Variants in TANGO2 observed in about 807,000 individuals in gnomAD.
TANGO2 encodes the protein transport and Golgi organization protein 2 homolog.
A neutral mutation model predicts 39.1 loss-of-function variants in TANGO2; 26 were observed. The ratio of observed to expected loss-of-function variants is 0.67; its 90% confidence interval spans 0.49 to 0.92. TANGO2 has a LOEUF of 0.92. Ranked by LOEUF, TANGO2 falls within the 40% of genes least tolerant of loss-of-function variation. The pLI is 0.00. For missense variants in TANGO2, 326 were observed against 360.1 expected (o/e 0.91, Z 0.77); for synonymous variants, 131 against 144.5 (o/e 0.91, Z 0.67).
upstream of TANGO2, among the ~76,000 whole-genome samples, chr22:20,020,373 C>T (rs532901293): frequency 1.3e-3 from 196 of 152,296 alleles, no homozygotes; most frequent in Non-Finnish European, 2.4e-3. Flanking sequence ...GCTACAGGAG[C>T]AGCGGTCCCA....
At position 20,066,764 on chromosome 22, in the gene TANGO2, C is replaced by T. The variant is rs2049227730; in HGVS notation, c.*2102C>T. ...GGCTACCATGTCCTGTGCCGGTGAC[C>T]AGTGCCAGTCCCCAACCTGGATGGT... On this transcript the variant is annotated 3_prime_UTR_variant, in exon 9 of 9. Coordinates refer to ENST00000327374, the MANE Select transcript of TANGO2 (RefSeq NM_152906.7). Among the ~76,000 whole-genome samples, 2 of 152,156 alleles carry T rather than the reference C, an allele frequency of 1.3e-5. No individual in the cohort carries two copies. Among genetic ancestry groups the T allele is most frequent in the African/African-American group, 4.8e-5 (2 of 41,424 alleles).
chr22:20,065,022 C>T lies in TANGO2; in HGVS notation c.*360C>T, dbSNP rs1602445211. The T allele has an allele frequency of 4.1e-6, 1 of 244,252 alleles. No homozygotes were observed. Among genetic ancestry groups the T allele is most frequent in the East Asian group, 9.5e-5 (1 of 10,520 alleles). 15.1% of individuals were successfully genotyped at this position (244,252 alleles called of 1,614,324 possible). The stretch of plus-strand genomic sequence containing the variant: ...CACACATGCAAGCCATATACATGGA[C>T]ACCGACACAGGCACATGTACGTGCA... On this transcript the variant is annotated 3_prime_UTR_variant, in exon 9 of 9. Coordinates refer to ENST00000327374, the MANE Select transcript of TANGO2 (RefSeq NM_152906.7).
At chr22:20,052,442 G>A (rs777015040) in intron 3 of TANGO2, 23 bp from the exon 4 acceptor site, 2 of 1,583,932 alleles carry the variant, frequency 1.3e-6, no homozygotes, top group Non-Finnish European at 1.7e-6. Flanking sequence ...CATCAATGGT[G>A]GTAACACTGT....
At chr22:20,040,364 T>G (rs2043672963) in intron 2 of TANGO2, among the ~76,000 whole-genome samples, 1 of 152,192 alleles carries the variant, frequency 6.6e-6, no homozygotes, top group African/African-American at 2.4e-5. Context: ...ATTTTCCCTT[T>G]GTAAGAGCAT....
intron 1 of TANGO2, among the ~76,000 whole-genome samples, chr22:20,035,725 C>T (rs1360210569): frequency 1.3e-5 from 2 of 152,106 alleles, no homozygotes. Context: ...GGTGAGTGGG[C>T]CATGCTGTTG....
At chr22:20,055,829 G>T in intron 5 of TANGO2, 114 bp from the exon 6 acceptor site, 1 of 930,548 alleles carries the variant, frequency 1.1e-6, no homozygotes. Context: ...CCTGGCCGCA[G>T]CGGGCTACTG....
chr22:20,046,222 T>C (rs1391930298), intron 3 of TANGO2, among the ~76,000 whole-genome samples: 3 of 152,094 alleles, frequency 2.0e-5, no homozygotes, highest in Non-Finnish European at 4.4e-5. Context: ...CCTGTCTCAC[T>C]GCAGCCTCTA....
In TANGO2 at chr22:20,055,989, C is replaced by G. The variant is rs201760213; in HGVS notation, c.427C>G (p.Pro143Ala). 45 of 1,613,990 alleles carry G rather than the reference C, an allele frequency of 2.8e-5. No individual in the cohort carries two copies. Among genetic ancestry groups the G allele is most frequent in the Non-Finnish European group, 3.4e-6 (4 of 1,179,950 alleles). Residue 143 changes from proline (P) to alanine (A), a missense_variant, in exon 6 of 9, where the codon CCT becomes GCT. Physicochemically the swap from Pro to Ala is conservative, Grantham distance 27 (BLOSUM62 -1). Coordinates refer to ENST00000327374, the MANE Select transcript of TANGO2 (RefSeq NM_152906.7). ...TTGCTACTATGGGAACCGAGGGGAG[C>G]CTGATCCTATCGTTTTGACGCCAGG... ...VICYYGNRGEPDPIVLTPGTY... is the reference protein window; with the variant it reads ...VICYYGNRGEADPIVLTPGTY...
At chr22:20,064,511 C>CAGCCCTACTGGCCAGA in intron 8 of TANGO2, 31 bp from the exon 9 acceptor site, 1 of 1,613,358 alleles carries the variant, frequency 6.2e-7, no homozygotes, top group East Asian at 2.2e-5. Flanking sequence ...TGAGGGACAC[C>CAGCCCTACTGGCCAGA]AGGTGAACGA....
At chr22:20,018,398 G>A (rs1430250976), upstream of TANGO2, among the ~76,000 whole-genome samples, 1 of 152,136 alleles carries the variant, frequency 6.6e-6, no homozygotes, top group Non-Finnish European at 1.5e-5. Flanking sequence ...CTGAGGGGTC[G>A]TTTCCTCCAT....
intron 1 of TANGO2, among the ~76,000 whole-genome samples, chr22:20,029,407 A>G (rs560569054): frequency 4.5e-4 from 69 of 152,356 alleles, no homozygotes; most frequent in Admixed American, 4.1e-3. Flanking sequence ...AGAATAACCC[A>G]TGCCAAGTCC....
At chr22:20,052,326 C>A in intron 3 of TANGO2, 139 bp from the exon 4 acceptor site, 1 of 1,292,478 alleles carries the variant, frequency 7.7e-7, no homozygotes, top group Non-Finnish European at 1.1e-6. Context: ...GCTGGGGCTG[C>A]TGGGCCAAGC....
intron 1 of TANGO2, among the ~76,000 whole-genome samples, chr22:20,021,564 C>T (rs1234900566): frequency 6.6e-6 from 1 of 152,216 alleles, no homozygotes; most frequent in Non-Finnish European, 1.5e-5. Context: ...GCCCCCTACC[C>T]GCGGCCTGCT....
At chr22:20,041,908 G>A (rs2044021543) in intron 2 of TANGO2, among the ~76,000 whole-genome samples, 1 of 152,148 alleles carries the variant, frequency 6.6e-6, no homozygotes. Flanking sequence ...GACTCAGATT[G>A]TGATGGCAGG....
At chr22:20,056,534 C>T (rs918299052) in intron 6 of TANGO2, 2 of 456,758 alleles carry the variant, frequency 4.4e-6, no homozygotes, top group Admixed American at 4.7e-5. Context: ...GCCCTTCCTG[C>T]CCTGGCTCTG....
chr22:20,050,715 T>C (rs181728557), intron 3 of TANGO2, among the ~76,000 whole-genome samples: 175 of 151,702 alleles, frequency 1.2e-3, no homozygotes, highest in Non-Finnish European at 1.9e-3. Context: ...TTATAAATGG[T>C]ATATTTAAAT....
chr22:20,063,379 A>G lies in TANGO2; in HGVS notation c.647A>G (p.Tyr216Cys). ...DPAIEDQGGE[Y>C]VQPMLSKYAA... ...GCCATCGAGGACCAGGGTGGGGAGTACGTGCAGCCCATGCTGAGCAAGTAC... is the reference window on the plus strand; with the variant it reads ...GCCATCGAGGACCAGGGTGGGGAGTGCGTGCAGCCCATGCTGAGCAAGTAC... The change falls in exon 8 of 9, where the codon TAC becomes TGC. Residue 216 changes from tyrosine (Y) to cysteine (C), a missense_variant. Coordinates refer to ENST00000327374, the MANE Select transcript of TANGO2 (RefSeq NM_152906.7). 6.2e-7 allele frequency: 1 copy of G among 1,613,500 alleles called. No homozygotes were observed. Among genetic ancestry groups the G allele is most frequent in the South Asian group, 1.1e-5 (1 of 91,066 alleles).
intron 7 of TANGO2, 24 bp downstream of exon 7, chr22:20,061,707 G>A: frequency 6.6e-7 from 1 of 1,525,322 alleles, no homozygotes; most frequent in Non-Finnish European, 8.8e-7. Flanking sequence ...TCCTGCTGGG[G>A]TGAGCCCCAG....
chr22:20,046,564 A>C (rs2147324540), intron 3 of TANGO2, among the ~76,000 whole-genome samples: 1 of 150,948 alleles, frequency 6.6e-6, no homozygotes, highest in Admixed American at 6.6e-5. Flanking sequence ...TCCCAGGTTC[A>C]AGTGATTCTC....
Sources: allele counts gnomAD v4.1 joint callset (sites outside exome capture counted in the v4.1 genomes callset), GRCh38; gene constraint gnomAD v4.1.1; transcripts MANE v1.5; gene names NCBI Gene and HGNC (gene_info 2026-07-23, HGNC 2026-07-21).